PPFIA2: variants seen among roughly 807,000 people sequenced by gnomAD.
PPFIA2 encodes PPFI scaffold protein A2, also known as liprin-alpha-2.
Under a neutral mutation model 175.5 loss-of-function variants are expected in PPFIA2, and 46 were observed. That is an observed-to-expected ratio of 0.26 (90% confidence interval 0.21 to 0.34). The LOEUF is 0.34. Ranked by LOEUF, PPFIA2 falls within the 10% of genes least tolerant of loss-of-function variation. PPFIA2 has a pLI of 1.00. For missense variants in PPFIA2, 1,179 were observed against 1,506.1 expected, an observed-to-expected ratio of 0.78 and a Z score of 3.60; for synonymous variants, 568 against 511.4, an observed-to-expected ratio of 1.11 and a Z score of -1.49.
intron 5 of PPFIA2, among the ~76,000 whole-genome samples, chr12:81,446,690 A>T (rs1484728852): frequency 1.3e-5 from 2 of 152,186 alleles, no homozygotes; most frequent in East Asian, 3.8e-4. Context: ...AATAAAGCAG[A>T]AATTACCCAA....
intron 4 of PPFIA2, among the ~76,000 whole-genome samples, chr12:81,642,656 ATC>A (rs1491265161): frequency 4.4e-5 from 5 of 114,346 alleles, no homozygotes; most frequent in African/African-American, 6.2e-5. Context: ...ACATGTATGT[ATC>A]TATTATATAC....
intron 17 of PPFIA2, among the ~76,000 whole-genome samples, chr12:81,352,719 C>T (rs1041010623): frequency 2.0e-5 from 3 of 152,074 alleles, no homozygotes; most frequent in Non-Finnish European, 2.9e-5. Flanking sequence ...CTATTTGGTA[C>T]CTTTATTGCA....
intron 23 of PPFIA2, chr12:81,296,748 C>A (rs886550547): frequency 1.3e-5 from 2 of 151,342 alleles, no homozygotes; most frequent in African/African-American, 4.9e-5. Context: ...AGACCTGAGC[C>A]CTAATTCCTT....
chr12:81,390,830 C>T (rs7970434), intron 8 of PPFIA2, among the ~76,000 whole-genome samples: 34,485 of 151,022 alleles, frequency 0.23, 5,242 homozygotes, highest in East Asian at 0.46. Context: ...CTTGGGCTCA[C>T]GGTGTCATTT....
intron 3 of PPFIA2, among the ~76,000 whole-genome samples, chr12:81,709,156 G>A (rs556704485): frequency 2.2e-4 from 34 of 152,106 alleles, no homozygotes; most frequent in African/African-American, 7.9e-4. Flanking sequence ...AGCTCTGCAA[G>A]CCTATTCCAG....
At chr12:81,638,256 T>C (rs1018828461) in intron 4 of PPFIA2, among the ~76,000 whole-genome samples, 2 of 152,132 alleles carry the variant, frequency 1.3e-5, no homozygotes, top group African/African-American at 4.8e-5. Flanking sequence ...CTACTCAAGA[T>C]CATCTGACTG....
intron 21 of PPFIA2, among the ~76,000 whole-genome samples, chr12:81,338,938 T>C (rs1383881682): frequency 6.6e-6 from 1 of 152,154 alleles, no homozygotes; most frequent in Admixed American, 6.6e-5. Flanking sequence ...TTAAATAAAT[T>C]CTAGCTATTG....
At chr12:81,607,735 T>C (rs73362551) in intron 4 of PPFIA2, among the ~76,000 whole-genome samples, 2 of 152,146 alleles carry the variant, frequency 1.3e-5, no homozygotes, top group East Asian at 3.9e-4. Context: ...AACCATATCA[T>C]CAGTGAAGAG....
chr12:81,744,808 A>T (rs1451041549), intron 3 of PPFIA2, among the ~76,000 whole-genome samples: 1 of 152,204 alleles, frequency 6.6e-6, no homozygotes, highest in East Asian at 1.9e-4. Context: ...AGATGAACAT[A>T]ACAAGATGAA....
chr12:81,333,676 G>A lies in PPFIA2; in HGVS notation c.2548+5504C>T, dbSNP rs567667046. Among the ~76,000 whole-genome samples, 60 of 152,170 alleles carry A rather than the reference G, an allele frequency of 3.9e-4. No individual in the cohort carries two copies. In the South Asian group the frequency reaches 0.011, roughly 29 times the overall value. Reference sequence around the variant, plus strand: ...CAAGAACTATACTTTTAGAGTAGGAGAATTTAGATCCCACTTACATCCATT... The same window carrying A: ...CAAGAACTATACTTTTAGAGTAGGAAAATTTAGATCCCACTTACATCCATT... On this transcript the variant is annotated intron_variant, in intron 21 of 32. Transcript: ENST00000549396.
intron 4 of PPFIA2, among the ~76,000 whole-genome samples, chr12:81,592,674 T>C (rs2058805794): frequency 6.6e-6 from 1 of 152,180 alleles, no homozygotes; most frequent in African/African-American, 2.4e-5. Context: ...TCCACCGTGA[T>C]TGTGAGGCCT....
At chr12:81,522,332 TAC>T (rs2153241312) in intron 4 of PPFIA2, among the ~76,000 whole-genome samples, 1 of 152,282 alleles carries the variant, frequency 6.6e-6, no homozygotes, top group African/African-American at 2.4e-5. Context: ...ATAGATACAC[TAC>T]AATATAAGGA....
At chr12:81,344,923 G>A (rs1422746690) in intron 18 of PPFIA2, among the ~76,000 whole-genome samples, 2 of 88,896 alleles carry the variant, frequency 2.2e-5, no homozygotes, top group East Asian at 5.5e-4. Flanking sequence ...TTCCATAATG[G>A]GGCCATGTGT....
intron 22 of PPFIA2, among the ~76,000 whole-genome samples, chr12:81,313,103 A>C (rs572552365): frequency 3.2e-4 from 49 of 152,320 alleles, no homozygotes; most frequent in African/African-American, 1.2e-3. Flanking sequence ...ATTGATACAC[A>C]TATAGCTTTT....
At chr12:81,262,135 G>T in intron 31 of PPFIA2, 95 bp from the exon 32 acceptor site, 1 of 815,414 alleles carries the variant, frequency 1.2e-6, no homozygotes, top group Non-Finnish European at 2.1e-6. Flanking sequence ...CAGGGATTCC[G>T]AACATATTAG....
intron 4 of PPFIA2, among the ~76,000 whole-genome samples, chr12:81,651,398 CT>C (rs200834831): frequency 6.6e-5 from 10 of 151,434 alleles, no homozygotes; most frequent in African/African-American, 2.2e-4. Flanking sequence ...ATTAACAAAA[CT>C]TTTTTTTTCA....
intron 4 of PPFIA2, among the ~76,000 whole-genome samples, chr12:81,603,901 C>T (rs550378832): frequency 5.4e-5 from 8 of 147,054 alleles, no homozygotes; most frequent in Non-Finnish European, 1.0e-4. Flanking sequence ...CACATTTATT[C>T]GTTTATTTAT....
intron 4 of PPFIA2, among the ~76,000 whole-genome samples, chr12:81,538,246 G>A (rs1186713946): frequency 1.3e-5 from 2 of 151,844 alleles, no homozygotes; most frequent in Admixed American, 1.3e-4. Flanking sequence ...ACTGCATATT[G>A]ATAATAAAGA....
At position 81,462,266 on chromosome 12, in the gene PPFIA2, T is replaced by C. The variant is rs935923896; in HGVS notation, c.304-4400A>G. ...CATGCTTTTCTAACATATATATATA[T>C]ATATATATATGTTAGAAAACATATA... On this transcript the variant is annotated intron_variant, in intron 4 of 32. Coordinates refer to ENST00000549396, the MANE Select transcript of PPFIA2 (RefSeq NM_003625.5). 2.2e-4 allele frequency among the ~76,000 whole-genome samples: 30 copies of C among 135,366 alleles called. No homozygotes were observed. In the South Asian group the frequency reaches 6.5e-3, roughly 29 times the overall value. 88.8% of individuals were successfully genotyped at this position (135,366 alleles called of 152,430 possible).
Sources: allele counts gnomAD v4.1 joint callset (sites outside exome capture counted in the v4.1 genomes callset), GRCh38; gene constraint gnomAD v4.1.1; transcripts MANE v1.5; gene names NCBI Gene and HGNC (gene_info 2026-07-23, HGNC 2026-07-21).